ARL15: variants seen among roughly 807,000 people sequenced by gnomAD.
The protein encoded by ARL15 is ARF like GTPase 15.
A neutral mutation model predicts 25.2 loss-of-function variants in ARL15; 19 were observed. That is an observed-to-expected ratio of 0.75 (90% CI 0.53 to 1.10). ARL15 has a LOEUF of 1.10. Ranked by LOEUF, ARL15 falls within the 50% of genes least tolerant of loss-of-function variation. The pLI is 0.00. For missense variants in ARL15, 220 were observed against 246.0 expected (o/e 0.89, Z 0.71); for synonymous variants, 94 against 86.8 (o/e 1.08, Z -0.46).
intron 1 of ARL15, among the ~76,000 whole-genome samples, chr5:54,231,343 C>T (rs1452324005): frequency 6.6e-6 from 1 of 152,198 alleles, no homozygotes; most frequent in African/African-American, 2.4e-5. Flanking sequence ...TCAATCCCCA[C>T]TGCCCACTTC....
At chr5:53,913,509 G>A (rs963563371) in intron 4 of ARL15, among the ~76,000 whole-genome samples, 2 of 152,160 alleles carry the variant, frequency 1.3e-5, no homozygotes, top group East Asian at 3.8e-4. Context: ...CGAAACTACC[G>A]TTGTTCAAAT....
intron 4 of ARL15, among the ~76,000 whole-genome samples, chr5:54,071,513 C>CT: frequency 8.2e-5 from 1 of 12,182 alleles, no homozygotes; most frequent in Non-Finnish European, 2.9e-4. Context: ...CCGCCTTTCC[C>CT]CCCCCCCCCC....
chr5:54,014,726 A>G (rs1055598055), intron 4 of ARL15, among the ~76,000 whole-genome samples: 9 of 151,736 alleles, frequency 5.9e-5, no homozygotes, highest in African/African-American at 1.9e-4. Flanking sequence ...GGGTTTCGCC[A>G]TGTTGGTCAG....
chr5:54,157,531 C>T (rs1754275678), intron 2 of ARL15, among the ~76,000 whole-genome samples: 1 of 152,134 alleles, frequency 6.6e-6, no homozygotes, highest in African/African-American at 2.4e-5. Flanking sequence ...CCTGCCTCAG[C>T]CTCCTGAGTA....
At position 54,201,990 on chromosome 5, in the gene ARL15, A is replaced by G. The variant is rs149803357; in HGVS notation, c.49-30062T>C. On this transcript the variant is annotated intron_variant, in intron 1 of 4. Transcript: ENST00000504924. The stretch of plus-strand genomic sequence containing the variant: ...AGGAATTCCCTCACAGCACAAAAAC[A>G]TGGGTACCAACTAGAGTATATGGCA... 7.0e-4 allele frequency among the ~76,000 whole-genome samples: 106 copies of G among 152,274 alleles called. 4 individuals are homozygous for G. In the East Asian group the frequency reaches 0.019, roughly 28 times the overall value.
At chr5:54,239,993 C>T (rs780296702) in intron 1 of ARL15, among the ~76,000 whole-genome samples, 33 of 152,006 alleles carry the variant, frequency 2.2e-4, no homozygotes, top group Non-Finnish European at 4.6e-4. Context: ...TTTGGGAGGC[C>T]GAGGCAGGCG....
At chr5:54,298,567 A>T (rs961075069) in intron 1 of ARL15, among the ~76,000 whole-genome samples, 1 of 152,016 alleles carries the variant, frequency 6.6e-6, no homozygotes, top group Admixed American at 6.5e-5. Flanking sequence ...CTCCAGTTCC[A>T]GCCCTTTCTC....
intron 4 of ARL15, among the ~76,000 whole-genome samples, chr5:54,031,534 G>A (rs142820998): frequency 6.6e-6 from 1 of 152,274 alleles, no homozygotes; most frequent in Non-Finnish European, 1.5e-5. Flanking sequence ...GCACTACCCT[G>A]GAGGCAACAG....
At chr5:53,984,376 G>C (rs993577732) in intron 4 of ARL15, among the ~76,000 whole-genome samples, 1 of 151,854 alleles carries the variant, frequency 6.6e-6, no homozygotes, top group African/African-American at 2.4e-5. Context: ...CTCTTATCCT[G>C]CTTGCTTTTC....
In ARL15 at chr5:54,002,626, T is replaced by C. The variant is rs568779924; in HGVS notation, c.462+110576A>G. ...CAAAAAATAGGATTTGGAACAAATT[T>C]TGGAATAAAAACTACTCATCTGTTT... On this transcript the variant is annotated intron_variant, in intron 4 of 4. Coordinates refer to ENST00000504924, the MANE Select transcript of ARL15 (RefSeq NM_019087.3). Among the ~76,000 whole-genome samples the C allele has an allele frequency of 2.8e-4, 43 of 152,286 alleles. No homozygotes were observed. The Middle Eastern group carries it at 0.017, about 60-fold the overall frequency.
At chr5:54,291,302 C>T (rs1029988323) in intron 1 of ARL15, among the ~76,000 whole-genome samples, 1 of 152,164 alleles carries the variant, frequency 6.6e-6, no homozygotes, top group Non-Finnish European at 1.5e-5. Flanking sequence ...CCAGGACCCT[C>T]TGCAGATACT....
intron 1 of ARL15, among the ~76,000 whole-genome samples, chr5:54,181,720 G>C (rs924237076): frequency 6.6e-6 from 1 of 152,162 alleles, no homozygotes; most frequent in Non-Finnish European, 1.5e-5. Context: ...GATCACTTGA[G>C]GCTAGGAGTT....
At chr5:54,295,619 AC>A (rs1006800170) in intron 1 of ARL15, among the ~76,000 whole-genome samples, 3 of 152,244 alleles carry the variant, frequency 2.0e-5, no homozygotes, top group Admixed American at 6.5e-5. Context: ...ACTGAAAAAA[AC>A]ATTACTGGTG....
intron 1 of ARL15, among the ~76,000 whole-genome samples, chr5:54,284,766 C>G (rs1366278192): frequency 1.3e-5 from 2 of 152,164 alleles, no homozygotes; most frequent in African/African-American, 2.4e-5. Context: ...ACAAATACTG[C>G]CTTATCCTTG....
intron 1 of ARL15, among the ~76,000 whole-genome samples, chr5:54,301,397 G>T (rs998220727): frequency 6.6e-6 from 1 of 152,106 alleles, no homozygotes; most frequent in Non-Finnish European, 1.5e-5. Flanking sequence ...ACATGCATGA[G>T]ACTGTTACTC....
At chr5:54,118,747 C>A (rs974115854) in intron 3 of ARL15, among the ~76,000 whole-genome samples, 22 of 152,120 alleles carry the variant, frequency 1.4e-4, no homozygotes, top group African/African-American at 5.1e-4. Flanking sequence ...ACCATTATAT[C>A]GGAATTCTAA....
intron 4 of ARL15, among the ~76,000 whole-genome samples, chr5:53,896,196 G>A (rs1354631933): frequency 2.6e-5 from 4 of 152,046 alleles, no homozygotes; most frequent in East Asian, 3.9e-4. Context: ...GCCACGTCCC[G>A]CTAATTTTGG....
chr5:53,964,677 CACTTAGTT>C (rs1161166929), intron 4 of ARL15, among the ~76,000 whole-genome samples: 4 of 152,132 alleles, frequency 2.6e-5, no homozygotes, highest in African/African-American at 9.7e-5. Flanking sequence ...TGGTTTTAAA[CACTTAGTT>C]ACTTAAACCA....
intron 4 of ARL15, among the ~76,000 whole-genome samples, chr5:54,091,584 G>A (rs1363123805): frequency 6.6e-6 from 1 of 152,088 alleles, no homozygotes; most frequent in Non-Finnish European, 1.5e-5. Flanking sequence ...ACCCAGTTGT[G>A]GGCCTTCTCC....
Sources: allele counts gnomAD v4.1 joint callset (sites outside exome capture counted in the v4.1 genomes callset), GRCh38; gene constraint gnomAD v4.1.1; transcripts MANE v1.5; gene names NCBI Gene and HGNC (gene_info 2026-07-23, HGNC 2026-07-21).